Variants in CCSER2 observed in about 807,000 individuals in gnomAD.
CCSER2 encodes the protein serine-rich coiled-coil domain-containing protein 2.
In CCSER2, 46 loss-of-function variants were observed where a neutral mutation model predicts 92.3. The ratio of observed to expected loss-of-function variants is 0.50; its 90% confidence interval spans 0.39 to 0.64. The LOEUF is 0.64. Ranked by LOEUF, CCSER2 falls within the 30% of genes least tolerant of loss-of-function variation. The probability of loss-of-function intolerance (pLI) is 0.00; values close to 1 mark genes in which losing one functional copy is unlikely to be tolerated. For missense variants in CCSER2, 1,244 were observed against 1,238.9 expected (o/e 1.00, Z -0.06); for synonymous variants, 433 against 431.4 (o/e 1.00, Z -0.04).
intron 1 of CCSER2, among the ~76,000 whole-genome samples, chr10:84,339,397 A>G (rs1844043422): frequency 6.6e-6 from 1 of 152,068 alleles, no homozygotes; most frequent in African/African-American, 2.4e-5. Context: ...TAGTACTCCA[A>G]GAGGAGATTC....
intron 1 of CCSER2, among the ~76,000 whole-genome samples, chr10:84,351,842 A>G (rs1257660896): frequency 6.6e-6 from 1 of 152,228 alleles, no homozygotes; most frequent in Non-Finnish European, 1.5e-5. Context: ...TTACCACATT[A>G]TAATAATAGC....
chr10:84,512,389 TGTGTGTGAGAGAGA>T (rs1564738413), intron 9 of CCSER2, among the ~76,000 whole-genome samples: 1 of 118,386 alleles, frequency 8.4e-6, no homozygotes, highest in African/African-American at 3.2e-5. Flanking sequence ...TGTGTGTGTG[TGTGTGTGAGAGAGA>T]GAGAGAGAGA....
At chr10:84,388,234 T>G (rs1481951901) in intron 3 of CCSER2, among the ~76,000 whole-genome samples, 2 of 152,228 alleles carry the variant, frequency 1.3e-5, no homozygotes, top group African/African-American at 4.8e-5. Flanking sequence ...TGCATCAGTA[T>G]TAAGTTTCTT....
intron 1 of CCSER2, among the ~76,000 whole-genome samples, chr10:84,340,073 C>A (rs1844088647): frequency 6.6e-6 from 1 of 151,968 alleles, no homozygotes; most frequent in African/African-American, 2.4e-5. Flanking sequence ...GAATTCCTGA[C>A]CTCAGGTGAT....
At chr10:84,372,546 G>A (rs1564609541) in intron 2 of CCSER2, 77 bp downstream of exon 2, 1 of 881,806 alleles carries the variant, frequency 1.1e-6, no homozygotes, top group East Asian at 2.5e-5. Context: ...ATTATCTTCA[G>A]ATAGATTTCA....
chr10:84,386,891 A>G (rs569955898), intron 3 of CCSER2, among the ~76,000 whole-genome samples: 2 of 152,336 alleles, frequency 1.3e-5, no homozygotes, highest in Admixed American at 6.5e-5. Flanking sequence ...CAGTGGGTAC[A>G]CATGGACATA....
chr10:84,355,380 G>C (rs1845108853), intron 1 of CCSER2, among the ~76,000 whole-genome samples: 1 of 152,110 alleles, frequency 6.6e-6, no homozygotes, highest in Non-Finnish European at 1.5e-5. Context: ...TATGCTCTTA[G>C]GCTGTATTGT....
At chr10:84,488,351 C>A (rs1418647613) in intron 9 of CCSER2, among the ~76,000 whole-genome samples, 1 of 152,184 alleles carries the variant, frequency 6.6e-6, no homozygotes, top group Non-Finnish European at 1.5e-5. Flanking sequence ...TAGAATTCGG[C>A]TGTGAATCCA....
At chr10:84,463,796 T>C (rs1157225880) in intron 6 of CCSER2, 137 bp from the exon 7 acceptor site, 1 of 582,474 alleles carries the variant, frequency 1.7e-6, no homozygotes. Context: ...TTCTAAAATT[T>C]TGTCTCCCAT....
At chr10:84,449,520 A>G (rs78593004) in intron 6 of CCSER2, among the ~76,000 whole-genome samples, 3,284 of 152,306 alleles carry the variant, frequency 0.022, 96 homozygotes, top group Admixed American at 0.074. Flanking sequence ...CTCTTACTTC[A>G]GGACTGTTGT....
chr10:84,341,254 C>CA, intron 1 of CCSER2, among the ~76,000 whole-genome samples: 1 of 150,254 alleles, frequency 6.7e-6, no homozygotes, highest in South Asian at 2.1e-4. Flanking sequence ...AGGCTTGTCT[C>CA]AAACTCCTGG....
intron 9 of CCSER2, among the ~76,000 whole-genome samples, chr10:84,478,119 C>T (rs571775233): frequency 6.6e-6 from 1 of 152,062 alleles, no homozygotes; most frequent in Non-Finnish European, 1.5e-5. Context: ...AATATAAATG[C>T]ACGAAGATAC....
chr10:84,333,275 T>G (rs1018857613), intron 1 of CCSER2, among the ~76,000 whole-genome samples: 1 of 152,180 alleles, frequency 6.6e-6, no homozygotes, highest in Admixed American at 6.5e-5. Context: ...CCATTCTAGA[T>G]AGATGAGACA....
intron 1 of CCSER2, among the ~76,000 whole-genome samples, chr10:84,339,583 A>G (rs1405682645): frequency 6.7e-6 from 1 of 150,228 alleles, no homozygotes; most frequent in African/African-American, 2.5e-5. Context: ...TCAAGTGATT[A>G]TCCTGCCTCA....
rs181810449 is a variant in CCSER2 at position 84,487,224 on chromosome 10, C to T, written c.2325+9560C>T. Among the ~76,000 whole-genome samples the T allele has an allele frequency of 2.4e-3, 358 of 152,272 alleles. 1 individual carries two copies. The highest frequency in any genetic ancestry group is 8.2e-3 in the African/African-American group (342 of 41,562). On this transcript the variant is annotated intron_variant, in intron 9 of 9. Coordinates refer to ENST00000372088, the MANE Select transcript of CCSER2 (RefSeq NM_001284240.2). ...TTGGCTTAGGATAGTCTTGAAAATG[C>T]GGGCTCTTTTTTGGTTCCATGTGAA...
chr10:84,441,892 G>A (rs1338909762), intron 6 of CCSER2, among the ~76,000 whole-genome samples: 1 of 151,636 alleles, frequency 6.6e-6, no homozygotes, highest in African/African-American at 2.4e-5. Flanking sequence ...TAGTAGCTGG[G>A]ACTACAGGCG....
intron 3 of CCSER2, among the ~76,000 whole-genome samples, chr10:84,406,607 G>A (rs1842390869): frequency 6.6e-6 from 1 of 152,132 alleles, no homozygotes; most frequent in Non-Finnish European, 1.5e-5. Flanking sequence ...CTTACGGGAA[G>A]CCTCTGGAAG....
intron 3 of CCSER2, among the ~76,000 whole-genome samples, chr10:84,400,390 T>TGAACTCCTGGACTC (rs1802694036): frequency 6.6e-6 from 1 of 152,130 alleles, no homozygotes; most frequent in Non-Finnish European, 1.5e-5. Context: ...AGGCTGGTCT[T>TGAACTCCTGGACTC]GAACTCCTGG....
chr10:84,513,388 A>AT (rs1467694159), intron 9 of CCSER2, 61 bp from the exon 10 acceptor site: 1 of 1,247,284 alleles, frequency 8.0e-7, no homozygotes, highest in Non-Finnish European at 1.1e-6. Flanking sequence ...ATTGGTATTT[A>AT]TATTAAATCT....
Sources: allele counts gnomAD v4.1 joint callset (sites outside exome capture counted in the v4.1 genomes callset), GRCh38; gene constraint gnomAD v4.1.1; transcripts MANE v1.5; gene names NCBI Gene and HGNC (gene_info 2026-07-23, HGNC 2026-07-21).